EML6: variants seen among roughly 807,000 people sequenced by gnomAD.
The protein encoded by EML6 is EMAP like 6.
Under a neutral mutation model 240.1 loss-of-function variants are expected in EML6, and 154 were observed. The ratio of observed to expected loss-of-function variants is 0.64; its 90% CI spans 0.56 to 0.73. The LOEUF (loss-of-function observed/expected upper bound fraction) is 0.73, where lower values mean the gene tolerates loss of function less well. Ranked by LOEUF, EML6 falls within the 30% of genes least tolerant of loss-of-function variation. The pLI, the probability that EML6 is intolerant of heterozygous loss-of-function variation, is 0.00. For missense variants in EML6, 2,964 were observed against 2,474.6 expected (o/e 1.20, Z -4.20); for synonymous variants, 1,148 against 899.0 (o/e 1.28, Z -4.95).
intron 2 of EML6, among the ~76,000 whole-genome samples, chr2:54,731,699 C>G (rs1003555617): frequency 6.6e-6 from 1 of 152,142 alleles, no homozygotes; most frequent in African/African-American, 2.4e-5. Flanking sequence ...AAACATTGCG[C>G]TGAACTATAC....
In EML6 at chr2:54,847,759, TC is replaced by T. The variant is rs769961141; in HGVS notation, c.1187+140del. On this transcript the variant is annotated intron_variant, in intron 9 of 41. Coordinates refer to ENST00000356458, the MANE Select transcript of EML6 (RefSeq NM_001039753.4). ...AAATAGGAATACTATAGATCTACGATCCCCTATCTGTAATTCTGAAGTCCTA... is the reference window on the plus strand; with the variant it reads ...AAATAGGAATACTATAGATCTACGATCCCTATCTGTAATTCTGAAGTCCTA... 44 of 783,866 alleles carry T rather than the reference TC, an allele frequency of 5.6e-5. 1 individual carries two copies. Among genetic ancestry groups the T allele is most frequent in the South Asian group, 2.3e-4 (8 of 35,330 alleles). 48.6% of individuals were successfully genotyped at this position (783,866 alleles called of 1,614,324 possible).
At chr2:54,739,571 G>A (rs1304708140) in intron 2 of EML6, among the ~76,000 whole-genome samples, 3 of 152,202 alleles carry the variant, frequency 2.0e-5, no homozygotes, top group Non-Finnish European at 2.9e-5. Flanking sequence ...TGTGTGAGGC[G>A]CTGGGGACCC....
intron 28 of EML6, among the ~76,000 whole-genome samples, chr2:54,938,888 G>C (rs986286501): frequency 6.6e-6 from 1 of 152,176 alleles, no homozygotes; most frequent in Non-Finnish European, 1.5e-5. Context: ...CTGTTGGTGG[G>C]AGACCTGGGA....
Position 54,795,496 on chromosome 2 carries a change from C to A in EML6, c.198-17736C>A, listed in dbSNP as rs191973661. On this transcript the variant is annotated intron_variant, in intron 2 of 41. Transcript: ENST00000356458. The stretch of plus-strand genomic sequence containing the variant: ...CAGAGCCAATATCAGTGAGTCTCAT[C>A]AAATACACGTGTGGGGGAGGAAAAG... Among the ~76,000 whole-genome samples, 26 of 152,174 alleles carry A rather than the reference C, an allele frequency of 1.7e-4. No homozygotes were observed. The East Asian group carries it at 4.2e-3, about 25-fold the overall frequency.
chr2:54,737,858 C>G (rs1050139927), intron 2 of EML6, among the ~76,000 whole-genome samples: 5 of 152,148 alleles, frequency 3.3e-5, no homozygotes, highest in Admixed American at 3.3e-4. Context: ...CTCTGCGATC[C>G]AGTCTGTTTT....
chr2:54,900,289 A>T (rs572613176), intron 22 of EML6, among the ~76,000 whole-genome samples: 4 of 152,328 alleles, frequency 2.6e-5, no homozygotes, highest in African/African-American at 9.6e-5. Flanking sequence ...TGTGGCAGGC[A>T]CAGGGGATCC....
At position 54,970,411 on chromosome 2, in the gene EML6, T is replaced by G; in HGVS notation, c.*316T>G. 1 of 342,638 alleles carries G rather than the reference T, an allele frequency of 2.9e-6. No homozygotes were observed. The allele number at this position is 342,638 out of a possible 1,614,324, so 21.2% of individuals were successfully genotyped here. A position where few individuals can be genotyped will look rare whatever the true frequency, so the allele number is the denominator to read the frequency against. On this transcript the variant is annotated 3_prime_UTR_variant, in exon 42 of 42. Coordinates refer to ENST00000356458, the MANE Select transcript of EML6 (RefSeq NM_001039753.4). Reference sequence around the variant, plus strand: ...GATAATGTAGCCCGCTGACGAATTTTGAAGCCTCGGTTACCCTAACCAATA... The same window carrying G: ...GATAATGTAGCCCGCTGACGAATTTGGAAGCCTCGGTTACCCTAACCAATA...
chr2:54,767,133 A>G (rs1045801517), intron 2 of EML6, among the ~76,000 whole-genome samples: 3 of 152,188 alleles, frequency 2.0e-5, no homozygotes, highest in African/African-American at 7.2e-5. Flanking sequence ...TTTATAGAGC[A>G]TCTGTTTGCT....
chr2:54,856,828 T>C (rs573026209), intron 11 of EML6, among the ~76,000 whole-genome samples: 1 of 152,184 alleles, frequency 6.6e-6, no homozygotes, highest in Non-Finnish European at 1.5e-5. Flanking sequence ...TAAGACTGTT[T>C]TGATATTTTG....
chr2:54,735,722 A>G (rs1377653995), intron 2 of EML6, among the ~76,000 whole-genome samples: 2 of 152,260 alleles, frequency 1.3e-5, no homozygotes, highest in African/African-American at 2.4e-5. Flanking sequence ...TATAAGAAAA[A>G]TCATGATTTG....
rs1676040041 is a variant in EML6 at position 54,952,617 on chromosome 2, C to T, written c.4237C>T (p.His1413Tyr). ...AGGGAGCCAGAGCTTCTATCTGGAG[C>T]ACACAGATGACATCCTCTGTCTCAC... The part of the protein sequence containing the change: ...STGSQSFYLE[H>Y]TDDILCLTVN... The change falls in exon 31 of 42, where the codon CAC (histidine) becomes TAC (tyrosine). Residue 1413 changes from histidine to tyrosine, a missense_variant. By Grantham distance (83) the His-to-Tyr change is moderately conservative. Coordinates refer to ENST00000356458, the MANE Select transcript of EML6 (RefSeq NM_001039753.4). 1 of 1,550,926 alleles carries T rather than the reference C, an allele frequency of 6.4e-7. No homozygotes were observed. The highest frequency in any genetic ancestry group is 1.4e-5 in the African/African-American group (1 of 73,038).
In EML6 at chr2:54,871,623, T is replaced by C. The variant is rs1246670522; in HGVS notation, c.2344+18T>C. ...TTTTTCAGGTAAGGTCCAGAGTGAT[T>C]GACACATGGTTCTACGTTGAGAGAG... On this transcript the variant is annotated intron_variant, in intron 16 of 41. Transcript: ENST00000356458. 12 of 1,495,700 alleles carry C rather than the reference T, an allele frequency of 8.0e-6. No homozygotes were observed. Among genetic ancestry groups the C allele is most frequent in the Non-Finnish European group, 1.1e-5 (12 of 1,095,736 alleles). The allele number at this position is 1,495,700 out of a possible 1,614,324, so 92.7% of individuals were successfully genotyped here. A position where few individuals can be genotyped will look rare whatever the true frequency, so the allele number is the denominator to read the frequency against.
At chr2:54,734,581 G>T (rs1034592403) in intron 2 of EML6, among the ~76,000 whole-genome samples, 2 of 152,184 alleles carry the variant, frequency 1.3e-5, no homozygotes, top group African/African-American at 4.8e-5. Flanking sequence ...GCTGATATTG[G>T]CAGGCACTGG....
chr2:54,869,259 T>C lies in EML6; in HGVS notation c.2130T>C (p.Ala710=), dbSNP rs56101319. 12,714 of 1,551,728 alleles carry C rather than the reference T, an allele frequency of 8.2e-3. 757 individuals carry two copies. In the African/African-American group the frequency reaches 0.13, roughly 16 times the overall value. Residue 710 remains alanine, a synonymous_variant, in exon 15 of 42, where the codon GCT becomes GCC. Coordinates refer to ENST00000356458, the MANE Select transcript of EML6 (RefSeq NM_001039753.4). The stretch of plus-strand genomic sequence containing the variant: ...TAGTCTACCACATTGCTGCAGTTGC[T>C]GTCGTGTATAATCGGCAGCAGCACT... ...GEVVYHIAAV[A]VVYNRQQHSQ...
At chr2:54,831,601 G>A (rs1038409605) in intron 7 of EML6, among the ~76,000 whole-genome samples, 5 of 152,242 alleles carry the variant, frequency 3.3e-5, no homozygotes, top group East Asian at 1.9e-4. Flanking sequence ...CTGGGAACCC[G>A]AAACAAGCCT....
At chr2:54,754,166 A>G (rs1684302696) in intron 2 of EML6, among the ~76,000 whole-genome samples, 1 of 151,436 alleles carries the variant, frequency 6.6e-6, no homozygotes, top group African/African-American at 2.4e-5. Context: ...TTTTAGAGAC[A>G]GAATCTTGCT....
intron 35 of EML6, among the ~76,000 whole-genome samples, chr2:54,961,187 T>TTTTTTTTTTTTTG (rs1676488931): frequency 1.9e-4 from 1 of 5,318 alleles, no homozygotes; most frequent in Non-Finnish European, 3.9e-4. Context: ...GGAAGTAGTT[T>TTTTTTTTTTTTTG]TTTTTTTTTT....
chr2:54,815,405 C>A (rs571912168), intron 3 of EML6, among the ~76,000 whole-genome samples: 6 of 152,314 alleles, frequency 3.9e-5, no homozygotes, highest in Admixed American at 1.3e-4. Context: ...TGGTCCATCA[C>A]CTCACAATAG....
chr2:54,944,638 A>G (rs1675589255), intron 28 of EML6, among the ~76,000 whole-genome samples: 2 of 152,108 alleles, frequency 1.3e-5, no homozygotes, highest in Non-Finnish European at 2.9e-5. Context: ...CCCATTTTTT[A>G]AAACAACAAC....
Sources: allele counts gnomAD v4.1 joint callset (sites outside exome capture counted in the v4.1 genomes callset), GRCh38; gene constraint gnomAD v4.1.1; transcripts MANE v1.5; gene names NCBI Gene and HGNC (gene_info 2026-07-23, HGNC 2026-07-21).